The following STXBP5L variants were observed in gnomAD, a reference collection of about 807,000 sequenced individuals.
STXBP5L encodes the protein syntaxin-binding protein 5-like.
Under a neutral mutation model 144.5 loss-of-function variants are expected in STXBP5L, and 65 were observed. The ratio of observed to expected loss-of-function variants is 0.45; its 90% CI spans 0.37 to 0.55. The LOEUF is 0.55. Ranked by LOEUF, STXBP5L falls within the 20% of genes least tolerant of loss-of-function variation. STXBP5L has a pLI of 0.00. For synonymous variants in STXBP5L, 505 were observed against 469.6 expected (o/e 1.08, Z -0.97); for missense variants, 1,298 against 1,405.5 (o/e 0.92, Z 1.22).
chr3:121,062,897 G>A (rs1323867321), intron 5 of STXBP5L, among the ~76,000 whole-genome samples: 1 of 152,110 alleles, frequency 6.6e-6, no homozygotes, highest in Admixed American at 6.5e-5. Flanking sequence ...ATTCTAGTTA[G>A]CAATGCATCT....
At chr3:121,117,403 T>C (rs1047546786) in intron 6 of STXBP5L, among the ~76,000 whole-genome samples, 2 of 151,862 alleles carry the variant, frequency 1.3e-5, no homozygotes, top group Admixed American at 6.6e-5. Context: ...TCCAAAAATA[T>C]GTTCCATAGA....
chr3:120,993,253 A>C lies in STXBP5L; in HGVS notation c.287+38216A>C, dbSNP rs1434648450. ...AGTTTGCAAATATGTTCTCTTATTG[A>C]ACAGGTAGCCTCTTCACTCTGTTAA... On this transcript the variant is annotated intron_variant, in intron 3 of 26. Coordinates refer to ENST00000471454, the MANE Select transcript of STXBP5L (RefSeq NM_001308330.2). 3.3e-5 allele frequency among the ~76,000 whole-genome samples: 5 copies of C among 152,124 alleles called. No homozygotes were observed. The East Asian group carries it at 5.8e-4, about 18-fold the overall frequency.
At chr3:121,021,525 A>C (rs1191145167) in intron 3 of STXBP5L, among the ~76,000 whole-genome samples, 1 of 152,152 alleles carries the variant, frequency 6.6e-6, no homozygotes, top group Non-Finnish European at 1.5e-5. Flanking sequence ...GCCACAAAAC[A>C]AGTCTCAACA....
At chr3:121,136,619 A>C (rs773978448) in intron 7 of STXBP5L, among the ~76,000 whole-genome samples, 4 of 152,342 alleles carry the variant, frequency 2.6e-5, no homozygotes, top group Non-Finnish European at 2.9e-5. Context: ...ACACTTGTAC[A>C]CTGCTGGTGG....
chr3:121,192,304 G>C (rs1430762231), intron 9 of STXBP5L, among the ~76,000 whole-genome samples: 1 of 152,102 alleles, frequency 6.6e-6, no homozygotes, highest in Non-Finnish European at 1.5e-5. Context: ...ACAAACCACT[G>C]CTCTAGGAAA....
intron 22 of STXBP5L, among the ~76,000 whole-genome samples, chr3:121,392,558 C>A (rs1239008037): frequency 6.6e-6 from 1 of 152,010 alleles, no homozygotes; most frequent in Non-Finnish European, 1.5e-5. Context: ...TCTTTACATT[C>A]TTTTATATAG....
chr3:121,144,251 T>G (rs1260132741), intron 7 of STXBP5L, among the ~76,000 whole-genome samples: 1 of 151,796 alleles, frequency 6.6e-6, no homozygotes, highest in Non-Finnish European at 1.5e-5. Context: ...AAGAGAAGTT[T>G]TAAGTGTAGA....
intron 7 of STXBP5L, among the ~76,000 whole-genome samples, chr3:121,135,041 A>G (rs1267856960): frequency 1.3e-5 from 2 of 152,094 alleles, no homozygotes; most frequent in African/African-American, 4.8e-5. Context: ...AAGTGTTCCT[A>G]TTTCTCCACA....
At chr3:121,033,558 A>C (rs1449078376) in intron 3 of STXBP5L, among the ~76,000 whole-genome samples, 1 of 118,370 alleles carries the variant, frequency 8.4e-6, no homozygotes, top group Non-Finnish European at 1.8e-5. Context: ...GTACCCTAAA[A>C]CTTAAAGTAC....
chr3:121,349,501 C>T (rs181932741), intron 20 of STXBP5L, among the ~76,000 whole-genome samples: 1 of 151,990 alleles, frequency 6.6e-6, no homozygotes, highest in Admixed American at 6.6e-5. Context: ...GAGTTGAATT[C>T]CTGGATATCC....
chr3:121,176,903 C>T (rs749474347), intron 9 of STXBP5L, among the ~76,000 whole-genome samples: 19 of 151,662 alleles, frequency 1.3e-4, no homozygotes, highest in Non-Finnish European at 2.2e-4. Context: ...AAGAACAAAG[C>T]ACTAAACAGA....
intron 18 of STXBP5L, among the ~76,000 whole-genome samples, chr3:121,277,788 G>C (rs1449270693): frequency 6.6e-6 from 1 of 151,868 alleles, no homozygotes; most frequent in Admixed American, 6.6e-5. Flanking sequence ...GGAATCTGTA[G>C]CTAATTTGTC....
chr3:121,076,292 T>C (rs2042015430), intron 5 of STXBP5L, among the ~76,000 whole-genome samples: 1 of 152,200 alleles, frequency 6.6e-6, no homozygotes, highest in Non-Finnish European at 1.5e-5. Context: ...TGAGCCTCTG[T>C]AGGCAGCTGG....
At chr3:121,058,799 C>A (rs1948627152) in intron 5 of STXBP5L, among the ~76,000 whole-genome samples, 1 of 151,534 alleles carries the variant, frequency 6.6e-6, no homozygotes, top group Admixed American at 6.6e-5. Context: ...TGTTCATATC[C>A]TTTGCCCACT....
chr3:120,912,547 C>T (rs1161433636), intron 2 of STXBP5L, among the ~76,000 whole-genome samples: 1 of 151,210 alleles, frequency 6.6e-6, no homozygotes, highest in African/African-American at 2.4e-5. Flanking sequence ...AAGCTGTACC[C>T]TTCATAATAA....
intron 20 of STXBP5L, among the ~76,000 whole-genome samples, chr3:121,367,790 C>CTTT (rs200992044): frequency 9.4e-6 from 1 of 106,304 alleles, no homozygotes; most frequent in Non-Finnish European, 1.8e-5. Flanking sequence ...TTTGCTTTTC[C>CTTT]TTTTTTTTTT....
chr3:120,980,682 G>A (rs1281524098), intron 3 of STXBP5L, among the ~76,000 whole-genome samples: 1 of 152,002 alleles, frequency 6.6e-6, no homozygotes, highest in African/African-American at 2.4e-5. Context: ...TTTCAAGTTA[G>A]GCATTTAGTT....
At chr3:121,068,710 T>A (rs2041665302) in intron 5 of STXBP5L, among the ~76,000 whole-genome samples, 1 of 152,116 alleles carries the variant, frequency 6.6e-6, no homozygotes, top group African/African-American at 2.4e-5. Context: ...TATAGTTTAG[T>A]ATGTTAATAT....
At chr3:120,913,685 C>T (rs1708964852) in intron 2 of STXBP5L, among the ~76,000 whole-genome samples, 1 of 151,966 alleles carries the variant, frequency 6.6e-6, no homozygotes, top group Admixed American at 6.6e-5. Context: ...CTACAACTTT[C>T]AGTTTTGGTT....
Sources: gnomAD v4.1 joint callset for allele counts (sites outside exome capture counted in the v4.1 genomes callset) on GRCh38, gnomAD v4.1.1 for gene constraint, MANE v1.5 for transcripts, NCBI Gene and HGNC (gene_info 2026-07-23, HGNC 2026-07-21) for gene names.